SH3TC1: variants seen among roughly 807,000 people sequenced by gnomAD.
SH3TC1 encodes the protein SH3 domain and tetratricopeptide repeats 1, also known as SH3 domain and tetratricopeptide repeat-containing protein 1.
Under a neutral mutation model 117.3 loss-of-function variants are expected in SH3TC1, and 135 were observed. The ratio of observed to expected loss-of-function variants is 1.15; its 90% CI spans 1.00 to 1.33. The LOEUF is 1.33. Ranked by LOEUF, SH3TC1 falls within the 40% of genes most tolerant of loss-of-function variation. The pLI is 0.00. For synonymous variants in SH3TC1, 898 were observed against 816.9 expected (o/e 1.10, Z -1.69); for missense variants, 2,092 against 1,794.3 (o/e 1.17, Z -3.00).
intron 16 of SH3TC1, 102 bp from the exon 17 acceptor site, chr4:8,237,372 A>T: frequency 9.8e-7 from 1 of 1,021,764 alleles, no homozygotes; most frequent in Non-Finnish European, 1.4e-6. Flanking sequence ...AGAACTGCCC[A>T]GGTGACCGCA....
rs941400686 is a variant in SH3TC1, at chr4:8,205,883, C to T, written c.172+517C>T. On this transcript the variant is annotated intron_variant, in intron 2 of 17. Transcript: ENST00000245105. This position sits in a 1 kb window ranked among gnomAD's most constrained non-coding sequence, Gnocchi z 5.4. ...GATCTCCAGGATCCCCTCTTACCCC[C>T]ATCCTGAGACCCTGAAGGGGACGAG... 1 of 562,158 alleles carries T rather than the reference C, an allele frequency of 1.8e-6. No individual in the cohort carries two copies. Among genetic ancestry groups the T allele is most frequent in the Non-Finnish European group, 3.2e-6 (1 of 315,494 alleles). The allele number at this position is 562,158 out of a possible 1,614,324, so 34.8% of individuals were successfully genotyped here.
At chr4:8,235,037 A>G (rs1052884131) in intron 14 of SH3TC1, among the ~76,000 whole-genome samples, 2 of 152,206 alleles carry the variant, frequency 1.3e-5, no homozygotes, top group Non-Finnish European at 2.9e-5. Flanking sequence ...CCAAGAGGGG[A>G]CCAGCCCACC....
At chr4:8,218,513 A>G (rs1428262391) in intron 8 of SH3TC1, among the ~76,000 whole-genome samples, 166 bp downstream of exon 8, 1 of 152,194 alleles carries the variant, frequency 6.6e-6, no homozygotes, top group African/African-American at 2.4e-5. Context: ...CAAAAACCGC[A>G]ATTACTTTTG....
In SH3TC1 at chr4:8,210,491, G is replaced by C. The variant is rs533952104; in HGVS notation, c.247+669G>C. ...CGTTATTTAGAATTTGAAAATGCAG[G>C]CTGGGCGCGGTGGCTCACGCCTGTA... On this transcript the variant is annotated intron_variant, in intron 3 of 17. Coordinates refer to ENST00000245105, the MANE Select transcript of SH3TC1 (RefSeq NM_018986.5). This position sits in a 1 kb window ranked among gnomAD's most constrained non-coding sequence, Gnocchi z 4.1. Among the ~76,000 whole-genome samples, 7 of 152,330 alleles carry C rather than the reference G, an allele frequency of 4.6e-5. No homozygotes were observed. The East Asian group carries it at 5.8e-4, about 13-fold the overall frequency.
intron 1 of SH3TC1, among the ~76,000 whole-genome samples, chr4:8,202,461 C>T (rs1717900850): frequency 6.6e-6 from 1 of 152,264 alleles, no homozygotes; most frequent in Non-Finnish European, 1.5e-5. Flanking sequence ...GAACAGCTTC[C>T]CCGGAGGGTC....
intron 1 of SH3TC1, among the ~76,000 whole-genome samples, chr4:8,187,524 G>T (rs1161745884): frequency 6.6e-6 from 1 of 151,902 alleles, no homozygotes; most frequent in African/African-American, 2.4e-5. Flanking sequence ...TACTGGTGTG[G>T]ACTCATACAT....
intron 14 of SH3TC1, among the ~76,000 whole-genome samples, chr4:8,234,172 C>T (rs531898220): frequency 1.1e-4 from 8 of 73,272 alleles, no homozygotes; most frequent in Non-Finnish European, 3.0e-4. Context: ...TTCCATCATC[C>T]ATCCATCCAT....
chr4:8,225,348 G>A lies in SH3TC1; in HGVS notation c.1285+132G>A. 9.5e-7 allele frequency: 1 copy of A among 1,053,478 alleles called. No individual in the cohort carries two copies. Among genetic ancestry groups the A allele is most frequent in the Non-Finnish European group, 1.4e-6 (1 of 718,112 alleles). The allele number at this position is 1,053,478 out of a possible 1,614,324, so 65.3% of individuals were successfully genotyped here. On this transcript the variant is annotated intron_variant, in intron 11 of 17. Coordinates refer to ENST00000245105, the MANE Select transcript of SH3TC1 (RefSeq NM_018986.5). This position sits in a 1 kb window ranked among gnomAD's most constrained non-coding sequence, Gnocchi z 5.5. The stretch of plus-strand genomic sequence containing the variant: ...CACCCCTCTGTGGTGTGGGCTGGGG[G>A]CTTGGGGGAGGTTGCCTGAGGTGGG...
intron 3 of SH3TC1, among the ~76,000 whole-genome samples, chr4:8,211,763 T>C (rs889927974): frequency 4.0e-5 from 6 of 151,734 alleles, no homozygotes; most frequent in African/African-American, 1.5e-4. Flanking sequence ...CCTCAGACAT[T>C]GAGGAGGGGG....
At chr4:8,232,494 C>T (rs1042184633) in intron 13 of SH3TC1, 3 of 1,412,454 alleles carry the variant, frequency 2.1e-6, no homozygotes, top group East Asian at 3.8e-5. Flanking sequence ...CTCTGCCTGC[C>T]CCGAGTCTTC....
chr4:8,185,298 T>TA (rs1717188443), intron 1 of SH3TC1, among the ~76,000 whole-genome samples: 2 of 151,876 alleles, frequency 1.3e-5, no homozygotes, highest in African/African-American at 4.8e-5. Flanking sequence ...ATTGAGCAGT[T>TA]ACACTACAGC....
At chr4:8,204,219 G>A (rs1371517965) in intron 1 of SH3TC1, among the ~76,000 whole-genome samples, 3 of 152,198 alleles carry the variant, frequency 2.0e-5, no homozygotes, top group African/African-American at 2.4e-5. Flanking sequence ...ACGAGTCCAC[G>A]CACCGGAAAG....
At position 8,200,743 on chromosome 4, in the gene SH3TC1, G is replaced by A. The variant is rs182624978; in HGVS notation, c.-29+1338G>A. On this transcript the variant is annotated intron_variant, in intron 1 of 17. Transcript: ENST00000245105. ...GAGGTCGGAATTCCGAACTCAAGGCGTCCCTCAGAAGGCTACTGGGCGGCT... is the reference window on the plus strand; with the variant it reads ...GAGGTCGGAATTCCGAACTCAAGGCATCCCTCAGAAGGCTACTGGGCGGCT... Among the ~76,000 whole-genome samples the A allele has an allele frequency of 4.2e-3, 635 of 152,304 alleles. 7 individuals are homozygous for A. The highest frequency in any genetic ancestry group is 0.014 in the African/African-American group (599 of 41,552).
In SH3TC1 at chr4:8,212,712, C is replaced by A. The variant is rs1718858684; in HGVS notation, c.259C>A (p.Gln87Lys). 1.2e-6 allele frequency: 2 copies of A among 1,612,834 alleles called. No homozygotes were observed. The highest frequency in any genetic ancestry group is 8.5e-7 in the Non-Finnish European group (1 of 1,179,966). Residue 87 changes from glutamine to lysine, a missense_variant, in exon 4 of 18, where the codon CAG becomes AAG. By Grantham distance (53) the Gln-to-Lys change is moderately conservative (BLOSUM62 1). Transcript: ENST00000245105. ...GTCTGCCCCTCCAGACCTGACCCTG[C>A]AGCTGCTGGCTGTGCGGAGGAAGAG... ...MGVYPTDLTL[Q>K]LLAVRRKSRL...
intron 1 of SH3TC1, among the ~76,000 whole-genome samples, chr4:8,200,396 C>T (rs1444261328): frequency 6.6e-6 from 1 of 152,206 alleles, no homozygotes; most frequent in South Asian, 2.1e-4. Context: ...AGAGTCACCG[C>T]AGCTGATGGC....
upstream of SH3TC1, among the ~76,000 whole-genome samples, chr4:8,196,053 G>A (rs1717549386): frequency 3.9e-5 from 6 of 152,366 alleles, no homozygotes; most frequent in South Asian, 1.2e-3. The surrounding 1 kb of genome is among the most constrained non-coding windows in gnomAD (Gnocchi z 4.6). Context: ...GCCCCTCTGT[G>A]CTCCTCGCTG....
In SH3TC1 at chr4:8,227,413, G is replaced by T. The variant is rs141562329; in HGVS notation, c.1719G>T (p.Arg573Ser). The change falls in exon 12 of 18, where the codon AGG becomes AGT. Residue 573 changes from arginine to serine, a missense_variant. By Grantham distance (110) the Arg-to-Ser change is moderately radical (BLOSUM62 -1). Transcript: ENST00000245105. ...TCCTGGGGCGGCTGTGCAGCAGGAG[G>T]CTCAAGCTGTCCCAGGCCCGGGTGT... is the stretch of plus-strand genomic sequence containing the variant. ...CFLLGRLCSR[R>S]LKLSQARVYF... 3,730 of 1,551,136 alleles carry T rather than the reference G, an allele frequency of 2.4e-3. 17 individuals are homozygous for T. Among genetic ancestry groups the T allele is most frequent in the South Asian group, 0.01 (809 of 80,422 alleles).
chr4:8,209,520 T>C lies in SH3TC1; in HGVS notation c.173-228T>C. The C allele has an allele frequency of 1.1e-6, 1 of 901,238 alleles. No homozygotes were observed. Among genetic ancestry groups the C allele is most frequent in the Non-Finnish European group, 1.7e-6 (1 of 590,376 alleles). The allele number at this position is 901,238 out of a possible 1,614,324, so 55.8% of individuals were successfully genotyped here. On this transcript the variant is annotated intron_variant, in intron 2 of 17. Transcript: ENST00000245105. The surrounding 1 kb of genome is among the most constrained non-coding windows in gnomAD (Gnocchi z 5.9). ...CGGGATCATACGAGTCGTGTGGTCT[T>C]AAGCCTCTGAGTGTGGGGCAGCTTG...
chr4:8,240,340 C>G (rs759899182), intron 17 of SH3TC1, among the ~76,000 whole-genome samples: 2 of 152,196 alleles, frequency 1.3e-5, no homozygotes, highest in Non-Finnish European at 2.9e-5. Flanking sequence ...GCCTGGGTCA[C>G]TCAACACTGT....
Sources: gnomAD v4.1 joint callset for allele counts (sites outside exome capture counted in the v4.1 genomes callset) on GRCh38, gnomAD v4.1.1 for gene constraint, Gnocchi (gnomAD v3.1) non-coding constraint, MANE v1.5 for transcripts, NCBI Gene and HGNC (gene_info 2026-07-23, HGNC 2026-07-21) for gene names.